Variants in HNMT observed in about 807,000 individuals in gnomAD.
HNMT encodes histamine N-methyltransferase.
HNMT carries 30 observed loss-of-function variants against 32.1 expected under a neutral mutation model. The observed-to-expected ratio is 0.93, with a 90% confidence interval of 0.70 to 1.27. The LOEUF (loss-of-function observed/expected upper bound fraction) is 1.27. Among genes scored for constraint, HNMT ranks in the 50% most tolerant of loss-of-function variants. The probability of loss-of-function intolerance (pLI) is 0.00; values close to 1 mark genes in which losing one functional copy is unlikely to be tolerated. For missense variants in HNMT, 327 were observed against 346.0 expected (o/e 0.95, Z 0.43); for synonymous variants, 125 against 119.0 (o/e 1.05, Z -0.33).
chr2:137,992,966 A>G (rs1239190868), intron 2 of HNMT, among the ~76,000 whole-genome samples: 1 of 152,018 alleles, frequency 6.6e-6, no homozygotes, highest in Non-Finnish European at 1.5e-5. Context: ...AACCATTGAA[A>G]GAAAAAAAAC....
chr2:138,009,541 T>A (rs1210526841), intron 5 of HNMT, among the ~76,000 whole-genome samples: 3 of 152,004 alleles, frequency 2.0e-5, no homozygotes, highest in South Asian at 2.1e-4. Context: ...TTTCCTATTT[T>A]AAAAAAATAG....
At chr2:137,999,949 G>A (rs1243213420) in intron 2 of HNMT, among the ~76,000 whole-genome samples, 2 of 150,898 alleles carry the variant, frequency 1.3e-5, no homozygotes, top group African/African-American at 4.9e-5. Flanking sequence ...GAGAGGTAAA[G>A]CAAATTGCCC....
chr2:137,995,660 A>G lies in HNMT; in HGVS notation c.191-5258A>G, dbSNP rs78215579. Among the ~76,000 whole-genome samples the G allele has an allele frequency of 1.0e-2, 1,520 of 152,320 alleles. 29 individuals are homozygous for G. The highest frequency in any genetic ancestry group is 0.035 in the African/African-American group (1,466 of 41,572). On this transcript the variant is annotated intron_variant, in intron 2 of 5. Transcript: ENST00000280097. ...AAAAGGTGGGACTCTTCCCTAACTCATTTTATGAAGCCAGCATCTTCCTGA... is the reference window on the plus strand; with the variant it reads ...AAAAGGTGGGACTCTTCCCTAACTCGTTTTATGAAGCCAGCATCTTCCTGA...
rs1034474095 is a variant in HNMT at position 138,014,774 on chromosome 2, T to G, written c.*644T>G. 17 of 152,020 alleles carry G rather than the reference T, an allele frequency of 1.1e-4. No individual in the cohort carries two copies. Among genetic ancestry groups the G allele is most frequent in the Admixed American group, 1.1e-3 (17 of 15,244 alleles). 9.4% of individuals were successfully genotyped at this position (152,020 alleles called of 1,614,324 possible). A position where few individuals can be genotyped will look rare whatever the true frequency, so the allele number is the denominator to read the frequency against. Reference sequence around the variant, plus strand: ...CTATTATATTCAGCCAGATTTTTTTTTAAGTCTCGGCTTCTGATACATTTT... The same window carrying G: ...CTATTATATTCAGCCAGATTTTTTTGTAAGTCTCGGCTTCTGATACATTTT... On this transcript the variant is annotated 3_prime_UTR_variant, in exon 6 of 6. Coordinates refer to ENST00000280097, the MANE Select transcript of HNMT (RefSeq NM_006895.3).
intron 5 of HNMT, among the ~76,000 whole-genome samples, chr2:138,012,646 T>A (rs1408874074): frequency 5.9e-5 from 9 of 152,124 alleles, no homozygotes; most frequent in African/African-American, 2.2e-4. Flanking sequence ...CCAGTAGGTA[T>A]CTCAAATTTA....
chr2:138,012,952 T>C (rs1681553818), intron 5 of HNMT, among the ~76,000 whole-genome samples: 1 of 152,090 alleles, frequency 6.6e-6, no homozygotes, highest in Non-Finnish European at 1.5e-5. Flanking sequence ...TCCCCACCTC[T>C]GCCCTTATGC....
At chr2:137,985,642 A>C (rs975706379) in intron 2 of HNMT, among the ~76,000 whole-genome samples, 1 of 152,302 alleles carries the variant, frequency 6.6e-6, no homozygotes. Context: ...TAAGCAATAA[A>C]AATTTCATTT....
chr2:138,005,229 A>G lies in HNMT; in HGVS notation c.523+4A>G. ...ATGCTCATTATTGTTGTGTCAGGTA[A>G]GTTATTTTCATTCAGCCTGAATTTT... On this transcript the variant is annotated splice_donor_region_variant and intron_variant, in intron 5 of 5. Transcript: ENST00000280097. The G allele has an allele frequency of 6.6e-7, 1 of 1,507,114 alleles. No individual in the cohort carries two copies. 93.4% of individuals were successfully genotyped at this position (1,507,114 alleles called of 1,614,324 possible).
chr2:138,004,497 T>C (rs531481218), intron 4 of HNMT, among the ~76,000 whole-genome samples: 2 of 152,050 alleles, frequency 1.3e-5, no homozygotes, highest in East Asian at 3.9e-4. Flanking sequence ...TAAGTCCAAG[T>C]TCTGTGTTGG....
intron 5 of HNMT, among the ~76,000 whole-genome samples, chr2:138,009,347 TAG>T (rs1036333360): frequency 6.6e-6 from 1 of 152,012 alleles, no homozygotes; most frequent in Non-Finnish European, 1.5e-5. Flanking sequence ...GGCAATTTCT[TAG>T]AGAGCTAAAA....
chr2:137,988,122 G>A (rs1680705478), intron 2 of HNMT, among the ~76,000 whole-genome samples: 2 of 152,194 alleles, frequency 1.3e-5, no homozygotes, highest in African/African-American at 4.8e-5. Flanking sequence ...AAAACTGTGA[G>A]TGATGAGAAT....
chr2:138,007,478 C>T (rs773936219), intron 5 of HNMT, among the ~76,000 whole-genome samples: 3 of 152,092 alleles, frequency 2.0e-5, no homozygotes, highest in Admixed American at 6.6e-5. Context: ...CCCAGATTCT[C>T]CAATCCTATC....
intron 5 of HNMT, among the ~76,000 whole-genome samples, chr2:138,011,438 T>TA (rs1039004200): frequency 2.0e-5 from 3 of 152,130 alleles, no homozygotes; most frequent in African/African-American, 7.2e-5. Context: ...ATCCTGCAGT[T>TA]ACCTCTCCCT....
chr2:138,002,565 A>G (rs1681206218), intron 4 of HNMT: 4 of 214,188 alleles, frequency 1.9e-5, no homozygotes, highest in South Asian at 3.3e-4. Flanking sequence ...CTCCCACTGC[A>G]GCTTCCTGGT....
intron 2 of HNMT, among the ~76,000 whole-genome samples, chr2:137,987,928 G>T (rs1680696854): frequency 6.6e-6 from 1 of 152,152 alleles, no homozygotes. Flanking sequence ...CTGTGGGAAA[G>T]ACCACTAAGA....
intron 1 of HNMT, chr2:137,967,180 G>A (rs1679984716): frequency 4.0e-6 from 3 of 758,576 alleles, no homozygotes; most frequent in Non-Finnish European, 7.4e-6. Flanking sequence ...GGAGGCTGAG[G>A]CGGGAGGATT....
intron 1 of HNMT, chr2:137,967,376 T>C (rs1558949452): frequency 4.9e-6 from 2 of 410,756 alleles, no homozygotes; most frequent in East Asian, 3.7e-5. Context: ...GCTCTCAGCC[T>C]GGATGACAGA....
intron 2 of HNMT, among the ~76,000 whole-genome samples, chr2:137,994,549 A>G (rs1160170562): frequency 6.6e-6 from 1 of 152,202 alleles, no homozygotes; most frequent in Non-Finnish European, 1.5e-5. Context: ...CTACAAAGAG[A>G]GGTATACTCC....
chr2:137,997,715 C>T (rs1681038693), intron 2 of HNMT, among the ~76,000 whole-genome samples: 1 of 152,210 alleles, frequency 6.6e-6, no homozygotes, highest in African/African-American at 2.4e-5. Flanking sequence ...TATAAAGACA[C>T]ATGCATATGT....
Sources: allele counts gnomAD v4.1 joint callset (sites outside exome capture counted in the v4.1 genomes callset), GRCh38; gene constraint gnomAD v4.1.1; transcripts MANE v1.5; gene names NCBI Gene and HGNC (gene_info 2026-07-23, HGNC 2026-07-21).